Variants in ERBB4 observed in about 807,000 individuals in gnomAD.
ERBB4 encodes receptor tyrosine-protein kinase erbB-4.
Under a neutral mutation model 158.0 loss-of-function variants are expected in ERBB4, and 42 were observed. The ratio of observed to expected loss-of-function variants is 0.27; its 90% CI spans 0.21 to 0.34. The LOEUF is 0.34. ERBB4 is among the 10% of genes least tolerant of loss of function. ERBB4 has a pLI of 1.00. For missense variants in ERBB4, 1,333 were observed against 1,624.1 expected, an observed-to-expected ratio of 0.82 and a Z score of 3.08; for synonymous variants, 583 against 558.7, an observed-to-expected ratio of 1.04 and a Z score of -0.61.
chr2:211,949,944 C>T (rs768908713), intron 2 of ERBB4, among the ~76,000 whole-genome samples: 6 of 152,082 alleles, frequency 3.9e-5, no homozygotes, highest in Admixed American at 6.6e-5. Context: ...CAGAATATAG[C>T]CCTATAAGTT....
At chr2:211,592,661 TAA>T (rs545402825) in intron 19 of ERBB4, among the ~76,000 whole-genome samples, 293 of 152,100 alleles carry the variant, frequency 1.9e-3, no homozygotes, top group African/African-American at 6.9e-3. Flanking sequence ...GGATGAAGCA[TAA>T]AAAGAGGTCT....
At chr2:212,154,016 A>G (rs576481067) in intron 1 of ERBB4, among the ~76,000 whole-genome samples, 8 of 152,286 alleles carry the variant, frequency 5.3e-5, no homozygotes, top group African/African-American at 1.9e-4. Flanking sequence ...ATTGCTTCAA[A>G]TATCTAACAA....
intron 2 of ERBB4, among the ~76,000 whole-genome samples, chr2:212,041,901 T>C (rs962513285): frequency 6.6e-6 from 1 of 152,132 alleles, no homozygotes; most frequent in Non-Finnish European, 1.5e-5. Flanking sequence ...CTTTTTCATA[T>C]GCTTCAATCT....
intron 19 of ERBB4, among the ~76,000 whole-genome samples, chr2:211,565,295 T>TGGG (rs113021662): frequency 0.31 from 47,680 of 151,876 alleles, 9,920 homozygotes; most frequent in African/African-American, 0.59. Context: ...TGTGGGAAGA[T>TGGG]GGGACAGAGT....
intron 3 of ERBB4, among the ~76,000 whole-genome samples, chr2:211,804,123 T>C (rs2076560201): frequency 1.3e-5 from 2 of 152,182 alleles, no homozygotes; most frequent in Admixed American, 1.3e-4. Flanking sequence ...AAATTTTGAA[T>C]AGGAAAGGCT....
intron 2 of ERBB4, among the ~76,000 whole-genome samples, chr2:212,062,562 C>T (rs545263976): frequency 2.6e-4 from 40 of 152,056 alleles, no homozygotes; most frequent in Middle Eastern, 6.8e-3. Context: ...CATGCACCAC[C>T]ATGCTCAACT....
chr2:211,799,798 G>T (rs569031746), intron 3 of ERBB4, among the ~76,000 whole-genome samples: 2 of 152,232 alleles, frequency 1.3e-5, no homozygotes, highest in African/African-American at 4.8e-5. Flanking sequence ...TTGAGGGAAA[G>T]ATAAGAAGAG....
At chr2:212,382,199 AATAT>A (rs1237592113) in intron 1 of ERBB4, among the ~76,000 whole-genome samples, 1 of 125,654 alleles carries the variant, frequency 8.0e-6, no homozygotes, top group African/African-American at 2.7e-5. Flanking sequence ...AACACATATA[AATAT>A]ATATTATACA....
At chr2:212,517,309 C>T (rs1171662467) in intron 1 of ERBB4, among the ~76,000 whole-genome samples, 1 of 152,066 alleles carries the variant, frequency 6.6e-6, no homozygotes, top group Non-Finnish European at 1.5e-5. Context: ...ACATACATTG[C>T]ATTCTTGCCC....
intron 1 of ERBB4, among the ~76,000 whole-genome samples, chr2:212,342,248 C>G (rs1383487618): frequency 1.3e-5 from 2 of 152,170 alleles, no homozygotes; most frequent in African/African-American, 4.8e-5. Flanking sequence ...TGTGTCCCAA[C>G]TCAAATCTCA....
At chr2:212,275,555 G>A (rs1429609959) in intron 1 of ERBB4, among the ~76,000 whole-genome samples, 1 of 151,714 alleles carries the variant, frequency 6.6e-6, no homozygotes, top group African/African-American at 2.4e-5. Context: ...ATGTTTGTTG[G>A]AATTTCATAT....
At chr2:212,414,876 G>T (rs1179522241) in intron 1 of ERBB4, among the ~76,000 whole-genome samples, 8 of 152,118 alleles carry the variant, frequency 5.3e-5, no homozygotes, top group African/African-American at 1.9e-4. Context: ...ATGGCTACAC[G>T]CACAGATTTC....
At chr2:211,524,267 T>G (rs2125645531) in intron 20 of ERBB4, among the ~76,000 whole-genome samples, 1 of 152,250 alleles carries the variant, frequency 6.6e-6, no homozygotes, top group South Asian at 2.1e-4. Flanking sequence ...GAGCTAGACA[T>G]AAAGGTTCTC....
At chr2:211,468,672 C>T (rs570672664) in intron 20 of ERBB4, among the ~76,000 whole-genome samples, 5 of 151,940 alleles carry the variant, frequency 3.3e-5, no homozygotes, top group South Asian at 2.1e-4. Flanking sequence ...AGAAAGCCAC[C>T]GTGTTTGATG....
chr2:212,055,400 T>A (rs2077527799), intron 2 of ERBB4, among the ~76,000 whole-genome samples: 2 of 152,080 alleles, frequency 1.3e-5, no homozygotes, highest in Non-Finnish European at 2.9e-5. Flanking sequence ...CAGACTTAAA[T>A]GTCCCTGTCT....
intron 2 of ERBB4, among the ~76,000 whole-genome samples, chr2:212,075,802 C>T (rs1335158525): frequency 6.6e-6 from 1 of 151,692 alleles, no homozygotes; most frequent in African/African-American, 2.4e-5. Context: ...AATTTTACAG[C>T]CAACATTACA....
At chr2:211,447,393 T>A (rs1371099224) in intron 20 of ERBB4, among the ~76,000 whole-genome samples, 1 of 151,784 alleles carries the variant, frequency 6.6e-6, no homozygotes, top group Non-Finnish European at 1.5e-5. Context: ...AAAAAAAAAA[T>A]ACTCTATGGA....
At chr2:212,239,636 G>C (rs561599443) in intron 1 of ERBB4, among the ~76,000 whole-genome samples, 67 of 152,286 alleles carry the variant, frequency 4.4e-4, no homozygotes, top group African/African-American at 1.6e-3. Flanking sequence ...TCTATTCAAA[G>C]TACTTCCTTG....
At chr2:211,997,393 C>G (rs1351208782) in intron 2 of ERBB4, among the ~76,000 whole-genome samples, 1 of 151,820 alleles carries the variant, frequency 6.6e-6, no homozygotes, top group Non-Finnish European at 1.5e-5. Flanking sequence ...AAGCAAGAAA[C>G]CTATCCAAAT....
Sources: gnomAD v4.1 joint callset for allele counts (sites outside exome capture counted in the v4.1 genomes callset) on GRCh38, gnomAD v4.1.1 for gene constraint, MANE v1.5 for transcripts, NCBI Gene and HGNC (gene_info 2026-07-23, HGNC 2026-07-21) for gene names.